The following PTPRD variants were observed in gnomAD, a reference collection of about 807,000 sequenced individuals.
PTPRD encodes protein tyrosine phosphatase receptor type D.
PTPRD carries 34 observed loss-of-function variants against 214.5 expected under a neutral mutation model. That is an observed-to-expected ratio of 0.16 (90% confidence interval 0.12 to 0.21). The LOEUF (loss-of-function observed/expected upper bound fraction) is 0.21, where lower values mean the gene tolerates loss of function less well. Among genes scored for constraint, PTPRD ranks in the 10% least tolerant of loss-of-function variants. PTPRD has a pLI of 1.00. For missense variants in PTPRD, 2,545 were observed against 2,398.7 expected, an observed-to-expected ratio of 1.06 and a Z score of -1.27; for synonymous variants, 1,128 against 845.7, an observed-to-expected ratio of 1.33 and a Z score of -5.79.
intron 9 of PTPRD, among the ~76,000 whole-genome samples, chr9:9,394,684 C>T (rs2151322): frequency 0.3 from 46,042 of 151,782 alleles, 7,663 homozygotes; most frequent in East Asian, 0.45. Context: ...TTATATTGAG[C>T]TCTATTGGTG....
chr9:9,684,000 G>C lies in PTPRD; in HGVS notation c.-287+50533C>G, dbSNP rs568500074. On this transcript the variant is annotated intron_variant, in intron 7 of 45. Coordinates refer to ENST00000381196, the MANE Select transcript of PTPRD (RefSeq NM_002839.4). ...ACACGCTCTGAAAATGACAGTGAGG[G>C]CTTCTTTGTAGCCTAAAGAGGATTA... 2.7e-3 allele frequency among the ~76,000 whole-genome samples: 412 copies of C among 151,558 alleles called. 2 individuals are homozygous for C. Among genetic ancestry groups the C allele is most frequent in the Non-Finnish European group, 4.3e-3 (293 of 67,702 alleles).
chr9:9,047,486 T>C (rs1036659103), intron 10 of PTPRD, among the ~76,000 whole-genome samples: 1 of 152,116 alleles, frequency 6.6e-6, no homozygotes, highest in African/African-American at 2.4e-5. Flanking sequence ...AGAATCATAT[T>C]ATCTGATTTC....
At chr9:10,091,206 T>C (rs1187363737) in intron 3 of PTPRD, among the ~76,000 whole-genome samples, 3 of 151,668 alleles carry the variant, frequency 2.0e-5, no homozygotes, top group Non-Finnish European at 4.4e-5. Context: ...TAGTATTAAT[T>C]ATGGCATAAT....
intron 7 of PTPRD, among the ~76,000 whole-genome samples, chr9:9,688,521 T>C (rs1182468978): frequency 1.3e-5 from 2 of 151,780 alleles, no homozygotes; most frequent in South Asian, 2.1e-4. Flanking sequence ...AGGCTAACTA[T>C]GGGGTAACAG....
chr9:9,518,119 A>C (rs944176726), intron 8 of PTPRD, among the ~76,000 whole-genome samples: 3 of 152,052 alleles, frequency 2.0e-5, no homozygotes, highest in African/African-American at 4.8e-5. Context: ...TAAAATGTTA[A>C]AGTTCTCCCT....
rs1300483730 is a variant in PTPRD, at chr9:8,504,549, GGGC to G, written c.1678-147_1678-145del. ...CAAAAGAGTCAATAGTGAGTATCCA[GGGC>G]TATACTAAGGAAATTATATAATGAA... On this transcript the variant is annotated intron_variant, in intron 22 of 45. Transcript: ENST00000381196. The G allele has an allele frequency of 6.8e-6, 6 of 881,792 alleles. No homozygotes were observed. In the African/African-American group the frequency reaches 1.0e-4, roughly 15 times the overall value. The allele number at this position is 881,792 out of a possible 1,614,324, so 54.6% of individuals were successfully genotyped here.
At chr9:9,491,596 A>C (rs765701123) in intron 8 of PTPRD, among the ~76,000 whole-genome samples, 19 of 152,032 alleles carry the variant, frequency 1.2e-4, no homozygotes, top group Non-Finnish European at 1.9e-4. Context: ...GTGTATCTTC[A>C]AACCACAACA....
At chr9:9,555,433 G>C (rs1035687558) in intron 8 of PTPRD, among the ~76,000 whole-genome samples, 2 of 152,032 alleles carry the variant, frequency 1.3e-5, no homozygotes. Context: ...ACCCTGTAGA[G>C]TGATTCCCTA....
chr9:9,660,158 C>T (rs923415732), intron 7 of PTPRD, among the ~76,000 whole-genome samples: 7 of 151,700 alleles, frequency 4.6e-5, no homozygotes, highest in African/African-American at 1.5e-4. Context: ...CATGTAATTC[C>T]CCCGTGGTCA....
intron 2 of PTPRD, among the ~76,000 whole-genome samples, chr9:10,432,755 A>G (rs570679483): frequency 6.6e-6 from 1 of 152,098 alleles, no homozygotes; most frequent in East Asian, 2.0e-4. Context: ...ATCTTTCACT[A>G]GCCTTCTATG....
chr9:8,759,931 C>G (rs565517433), intron 11 of PTPRD, among the ~76,000 whole-genome samples: 2 of 152,156 alleles, frequency 1.3e-5, no homozygotes, highest in African/African-American at 4.8e-5. Context: ...AGGACCTATC[C>G]AGACACTGTT....
intron 33 of PTPRD, among the ~76,000 whole-genome samples, chr9:8,454,811 AGT>A (rs3043784): frequency 0.13 from 19,404 of 148,508 alleles, 1,639 homozygotes; most frequent in African/African-American, 0.24. Context: ...CTGAATACAT[AGT>A]GTGTGTGTGT....
chr9:9,122,542 T>C (rs1165149487), intron 10 of PTPRD, among the ~76,000 whole-genome samples: 1 of 152,214 alleles, frequency 6.6e-6, no homozygotes, highest in African/African-American at 2.4e-5. Flanking sequence ...TGGACTCCTC[T>C]TCATTCCTAA....
chr9:9,165,401 G>C (rs114955829), intron 10 of PTPRD, among the ~76,000 whole-genome samples: 3 of 152,160 alleles, frequency 2.0e-5, no homozygotes, highest in Admixed American at 2.0e-4. Context: ...AACAAAGTCA[G>C]ATGAGAAATA....
At chr9:9,003,754 C>T (rs1196730675) in intron 11 of PTPRD, among the ~76,000 whole-genome samples, 1 of 151,968 alleles carries the variant, frequency 6.6e-6, no homozygotes, top group East Asian at 1.9e-4. Flanking sequence ...TTCGAACTGG[C>T]CTGTGATAGC....
At chr9:8,980,151 T>C (rs1332812095) in intron 11 of PTPRD, among the ~76,000 whole-genome samples, 1 of 151,968 alleles carries the variant, frequency 6.6e-6, no homozygotes, top group East Asian at 1.9e-4. Flanking sequence ...TATTGCATGA[T>C]CTCACATATG....
intron 9 of PTPRD, among the ~76,000 whole-genome samples, chr9:9,383,625 T>G (rs2062976212): frequency 6.6e-6 from 1 of 152,148 alleles, no homozygotes; most frequent in African/African-American, 2.4e-5. Context: ...TATTGTCACT[T>G]TTTATATCTA....
chr9:9,887,830 C>T (rs2071553828), intron 5 of PTPRD, among the ~76,000 whole-genome samples: 1 of 151,952 alleles, frequency 6.6e-6, no homozygotes, highest in Non-Finnish European at 1.5e-5. Flanking sequence ...ACTGATTCAG[C>T]TGACACGTAT....
At chr9:9,905,744 C>T (rs2077410952) in intron 5 of PTPRD, among the ~76,000 whole-genome samples, 1 of 151,714 alleles carries the variant, frequency 6.6e-6, no homozygotes, top group Non-Finnish European at 1.5e-5. Flanking sequence ...AAAATTAAAC[C>T]AAAACTGGAC....
Sources: allele counts gnomAD v4.1 joint callset (sites outside exome capture counted in the v4.1 genomes callset), GRCh38; gene constraint gnomAD v4.1.1; transcripts MANE v1.5; gene names NCBI Gene and HGNC (gene_info 2026-07-23, HGNC 2026-07-21).